Variants in SVEP1 observed in about 807,000 individuals in gnomAD.
The protein encoded by SVEP1 is sushi, von Willebrand factor type A, EGF and pentraxin domain-containing protein 1.
In SVEP1, 164 loss-of-function variants were observed where a neutral mutation model predicts 367.3. That is an observed-to-expected ratio of 0.45 (90% CI 0.39 to 0.51). The LOEUF is 0.51. Ranked by LOEUF, SVEP1 falls within the 20% of genes least tolerant of loss-of-function variation. SVEP1 has a pLI of 0.00. For missense variants in SVEP1, 4,117 were observed against 4,425.3 expected, an observed-to-expected ratio of 0.93 and a Z score of 1.98; for synonymous variants, 1,666 against 1,611.6, an observed-to-expected ratio of 1.03 and a Z score of -0.81.
At chr9:110,548,492 T>C (rs1830246310) in intron 2 of SVEP1, among the ~76,000 whole-genome samples, 1 of 152,164 alleles carries the variant, frequency 6.6e-6, no homozygotes, top group Admixed American at 6.6e-5. Context: ...ACTATTCTCA[T>C]TTCCTATTCT....
chr9:110,426,725 C>T (rs1828258806), intron 36 of SVEP1, among the ~76,000 whole-genome samples: 1 of 152,088 alleles, frequency 6.6e-6, no homozygotes, highest in Non-Finnish European at 1.5e-5. Flanking sequence ...TGCATTGAGA[C>T]CCTAAACTGA....
intron 6 of SVEP1, among the ~76,000 whole-genome samples, chr9:110,500,179 A>G (rs1337153484): frequency 6.6e-6 from 1 of 151,840 alleles, no homozygotes; most frequent in East Asian, 1.9e-4. Flanking sequence ...AGCAAAAGCC[A>G]TTTTTTTTCC....
At chr9:110,471,948 C>A (rs185807967) in intron 15 of SVEP1, among the ~76,000 whole-genome samples, 1 of 152,014 alleles carries the variant, frequency 6.6e-6, no homozygotes, top group African/African-American at 2.4e-5. Flanking sequence ...AAGATGAGAA[C>A]GAAGTAGGGT....
intron 37 of SVEP1, 149 bp downstream of exon 37, chr9:110,410,914 C>G (rs949502418): frequency 8.2e-6 from 5 of 609,712 alleles, no homozygotes; most frequent in Non-Finnish European, 1.4e-5. Flanking sequence ...AAAAGATTAT[C>G]ATGATTCTTT....
At chr9:110,443,460 C>G (rs1828543962) in intron 27 of SVEP1, 85 bp downstream of exon 27, 2 of 1,185,664 alleles carry the variant, frequency 1.7e-6, no homozygotes, top group Admixed American at 3.7e-5. Flanking sequence ...AAACCAAGAA[C>G]AACAATGCTA....
At chr9:110,390,749 C>T (rs889456137) in intron 40 of SVEP1, among the ~76,000 whole-genome samples, 2 of 151,910 alleles carry the variant, frequency 1.3e-5, no homozygotes, top group Non-Finnish European at 2.9e-5. Context: ...CCAGACTCAA[C>T]CCACAGAAAT....
chr9:110,543,523 T>C (rs533201519), intron 3 of SVEP1, among the ~76,000 whole-genome samples: 2 of 152,298 alleles, frequency 1.3e-5, no homozygotes, highest in East Asian at 3.9e-4. Flanking sequence ...TTATTGGTAG[T>C]AGACAAGGCT....
At chr9:110,554,724 G>GTC (rs1186665938) in intron 1 of SVEP1, among the ~76,000 whole-genome samples, 2 of 134,840 alleles carry the variant, frequency 1.5e-5, no homozygotes, top group African/African-American at 3.1e-5. Flanking sequence ...ATGTATAGAT[G>GTC]TGCGTGTGTG....
At chr9:110,571,523 G>A (rs1830562660) in intron 1 of SVEP1, among the ~76,000 whole-genome samples, 1 of 152,192 alleles carries the variant, frequency 6.6e-6, no homozygotes, top group Non-Finnish European at 1.5e-5. Context: ...GAGCTGAAAA[G>A]AGGGAACTAG....
At chr9:110,389,164 T>C (rs1471453074) in intron 41 of SVEP1, among the ~76,000 whole-genome samples, 2 of 152,140 alleles carry the variant, frequency 1.3e-5, no homozygotes, top group African/African-American at 2.4e-5. Context: ...GTTAAAAGTA[T>C]TGGCTAGTAC....
chr9:110,573,317 T>TA (rs2118887406), intron 1 of SVEP1, among the ~76,000 whole-genome samples: 1 of 152,332 alleles, frequency 6.6e-6, no homozygotes, highest in South Asian at 2.1e-4. Flanking sequence ...TCTTCAGGGT[T>TA]TGTTAGAAAA....
intron 3 of SVEP1, among the ~76,000 whole-genome samples, chr9:110,527,664 T>A (rs1829956762): frequency 6.6e-6 from 1 of 152,120 alleles, no homozygotes; most frequent in Admixed American, 6.6e-5. Flanking sequence ...TTATTGCCTA[T>A]TTGTAATTTT....
At position 110,365,790 on chromosome 9, in the gene SVEP1, A is replaced by T. The variant is rs1000196963; in HGVS notation, c.*749T>A. 1 of 152,212 alleles carries T rather than the reference A, an allele frequency of 6.6e-6. No individual in the cohort carries two copies. Among genetic ancestry groups the T allele is most frequent in the African/African-American group, 2.4e-5 (1 of 41,434 alleles). The allele number at this position is 152,212 out of a possible 1,614,324, so 9.4% of individuals were successfully genotyped here. A position where few individuals can be genotyped will look rare whatever the true frequency, so the allele number is the denominator to read the frequency against. ...GGTATCAGCTCTTTGTTAATCTTCCAGTTCTTGCATTTCTTATTCCAGCCA... is the reference window on the plus strand; with the variant it reads ...GGTATCAGCTCTTTGTTAATCTTCCTGTTCTTGCATTTCTTATTCCAGCCA... On this transcript the variant is annotated 3_prime_UTR_variant, in exon 48 of 48. Transcript: ENST00000374469.
intron 8 of SVEP1, among the ~76,000 whole-genome samples, chr9:110,491,618 C>A (rs192250364): frequency 1.0e-5 from 1 of 97,858 alleles, no homozygotes; most frequent in African/African-American, 4.3e-5. Context: ...TGTGTGTGTG[C>A]AAATTTATCT....
intron 37 of SVEP1, among the ~76,000 whole-genome samples, chr9:110,409,420 T>TAAAGGGAAG (rs1564134739): frequency 6.6e-6 from 1 of 152,042 alleles, no homozygotes; most frequent in Non-Finnish European, 1.5e-5. Flanking sequence ...AGACTCTGTC[T>TAAAGGGAAG]AAAGGGAAGA....
chr9:110,536,646 T>C (rs1830083195), intron 3 of SVEP1, among the ~76,000 whole-genome samples: 1 of 151,972 alleles, frequency 6.6e-6, no homozygotes, highest in South Asian at 2.1e-4. Context: ...AATCTTGACA[T>C]TTGGAAACCC....
chr9:110,531,806 C>G (rs1355555558), intron 3 of SVEP1, among the ~76,000 whole-genome samples: 1 of 152,140 alleles, frequency 6.6e-6, no homozygotes, highest in East Asian at 1.9e-4. Context: ...AAACACTACC[C>G]CAAACCATCA....
intron 8 of SVEP1, 137 bp from the exon 9 acceptor site, chr9:110,489,916 C>G (rs41296087): frequency 9.3e-7 from 1 of 1,076,036 alleles, no homozygotes; most frequent in Non-Finnish European, 1.3e-6. Flanking sequence ...AGCTTTCTGG[C>G]ATATTTCTTT....
intron 40 of SVEP1, among the ~76,000 whole-genome samples, chr9:110,393,572 G>A (rs371532436): frequency 8.3e-4 from 127 of 152,308 alleles, no homozygotes; most frequent in Non-Finnish European, 1.3e-3. Flanking sequence ...CGCCTCACCC[G>A]GGAAGCACAA....
Sources: allele counts gnomAD v4.1 joint callset (sites outside exome capture counted in the v4.1 genomes callset), GRCh38; gene constraint gnomAD v4.1.1; transcripts MANE v1.5; gene names NCBI Gene and HGNC (gene_info 2026-07-23, HGNC 2026-07-21).